The following FOXP1 variants were observed in gnomAD, a reference collection of about 807,000 sequenced individuals.
The protein encoded by FOXP1 is forkhead box P1.
FOXP1 carries 15 observed loss-of-function variants against 98.2 expected under a neutral mutation model. The ratio of observed to expected loss-of-function variants is 0.15; its 90% CI spans 0.10 to 0.24. FOXP1 has a LOEUF of 0.24. FOXP1 is among the 10% of genes least tolerant of loss of function. FOXP1 has a pLI of 1.00. For missense variants in FOXP1, 633 were observed against 848.5 expected, an observed-to-expected ratio of 0.75 and a Z score of 3.15; for synonymous variants, 371 against 314.5, an observed-to-expected ratio of 1.18 and a Z score of -1.90.
At chr3:70,972,024 C>T (rs1010207743) in intron 18 of FOXP1, 2 of 1,440,622 alleles carry the variant, frequency 1.4e-6, no homozygotes, top group South Asian at 1.5e-5. Flanking sequence ...GCGACAAGCT[C>T]GTCAAAGTTT....
At chr3:71,103,347 T>A (rs2057136172) in intron 7 of FOXP1, among the ~76,000 whole-genome samples, 1 of 152,230 alleles carries the variant, frequency 6.6e-6, no homozygotes, top group South Asian at 2.1e-4. Context: ...TTGATAAACA[T>A]CTCTGACCCA....
intron 2 of FOXP1, among the ~76,000 whole-genome samples, chr3:71,550,876 C>G (rs891005315): frequency 2.0e-5 from 3 of 152,192 alleles, no homozygotes; most frequent in Non-Finnish European, 4.4e-5. Context: ...TTCCGAGAGG[C>G]CCCCTTCAAA....
intron 6 of FOXP1, among the ~76,000 whole-genome samples, chr3:71,197,341 C>T (rs971328903): frequency 6.6e-5 from 10 of 151,936 alleles, no homozygotes; most frequent in East Asian, 5.8e-4. Flanking sequence ...TTCCTGATTC[C>T]GAGGAATCAG....
At chr3:71,569,822 G>C (rs1310217055) in intron 2 of FOXP1, among the ~76,000 whole-genome samples, 1 of 147,718 alleles carries the variant, frequency 6.8e-6, no homozygotes, top group East Asian at 2.0e-4. Context: ...TCGCTCTGTC[G>C]CCCAGGCTGG....
chr3:70,974,490 G>C (rs1345501767), intron 17 of FOXP1, among the ~76,000 whole-genome samples: 3 of 151,970 alleles, frequency 2.0e-5, no homozygotes, highest in Non-Finnish European at 4.4e-5. Context: ...GTAGAGATGG[G>C]GTCTTGCTAT....
At position 70,976,931 on chromosome 3, in the gene FOXP1, G is replaced by A. The variant is rs1280722194; in HGVS notation, c.1530+10C>T. 1 of 1,603,054 alleles carries A rather than the reference G, an allele frequency of 6.2e-7. No individual in the cohort carries two copies. Among genetic ancestry groups the A allele is most frequent in the East Asian group, 2.2e-5 (1 of 44,836 alleles). ...AAGATCCAAGAATAAACAGGCCTGA[G>A]AAAGCTTACCTTCCACGTGGCCGCG... On this transcript the variant is annotated intron_variant, in intron 17 of 20. Coordinates refer to ENST00000649528, the MANE Select transcript of FOXP1 (RefSeq NM_001349338.3).
At chr3:71,205,664 G>A (rs1246083117) in intron 5 of FOXP1, among the ~76,000 whole-genome samples, 5 of 152,176 alleles carry the variant, frequency 3.3e-5, no homozygotes, top group Non-Finnish European at 7.4e-5. Flanking sequence ...CAAACCAGCT[G>A]TAGGGGCACC....
chr3:71,525,498 A>T (rs2043307960), intron 2 of FOXP1, among the ~76,000 whole-genome samples: 1 of 152,194 alleles, frequency 6.6e-6, no homozygotes, highest in Admixed American at 6.5e-5. Flanking sequence ...GGCCCTAGGA[A>T]GTCAAATTGT....
At chr3:71,118,412 A>G (rs1360627976) in intron 6 of FOXP1, among the ~76,000 whole-genome samples, 3 of 152,256 alleles carry the variant, frequency 2.0e-5, no homozygotes, top group African/African-American at 2.4e-5. Context: ...TTATCAAGGT[A>G]GCCGATGTTC....
intron 19 of FOXP1, chr3:70,969,293 TTACTCTTCTAAA>T (rs879652788): frequency 1.4e-4 from 22 of 152,182 alleles, no homozygotes; most frequent in Non-Finnish European, 2.9e-4. Context: ...ATGCTTTCAT[TTACTCTTCTAAA>T]GTTACTGTGT....
chr3:71,581,661 C>A lies in FOXP1; in HGVS notation c.-410G>T, dbSNP rs534318131. 5.1e-6 allele frequency: 5 copies of A among 985,794 alleles called. No individual in the cohort carries two copies. Among genetic ancestry groups the A allele is most frequent in the South Asian group, 9.3e-5 (2 of 21,568 alleles). The allele number at this position is 985,794 out of a possible 1,614,324, so 61.1% of individuals were successfully genotyped here. On this transcript the variant is annotated 5_prime_UTR_variant, in exon 2 of 21. Coordinates refer to ENST00000649528, the MANE Select transcript of FOXP1 (RefSeq NM_001349338.3). ...GCTGCCCCCGGCCCGCTCGCTCGCTCGCCGCGCGCTCTCTTCCTCTTACAA... is the reference window on the plus strand; with the variant it reads ...GCTGCCCCCGGCCCGCTCGCTCGCTAGCCGCGCGCTCTCTTCCTCTTACAA...
Position 71,201,038 on chromosome 3 carries a change from C to A in FOXP1, c.-11-2646G>T, listed in dbSNP as rs138011544. Among the ~76,000 whole-genome samples, 258 of 152,258 alleles carry A rather than the reference C, an allele frequency of 1.7e-3. 3 individuals are homozygous for A. Among genetic ancestry groups the A allele is most frequent in the East Asian group, 0.016 (85 of 5,170 alleles). On this transcript the variant is annotated intron_variant, in intron 5 of 20. Transcript: ENST00000649528. ...TTTTCACTAGCAGGTGGGAAACAAA[C>A]TCAGAAGTAACAGCTGATTCACTCT...
rs2107299303 is a variant in FOXP1, at chr3:70,977,050, G to A, written c.1429-8C>T. 2 of 1,576,880 alleles carry A rather than the reference G, an allele frequency of 1.3e-6. No individual in the cohort carries two copies. Among genetic ancestry groups the A allele is most frequent in the Non-Finnish European group, 1.7e-6 (2 of 1,146,218 alleles). The stretch of plus-strand genomic sequence containing the variant: ...TGGAGATTCGAGAATGGCCTGTGAA[G>A]CAGAATGTAACAGAAGATAATTTAT... On this transcript the variant is annotated splice_region_variant and splice_polypyrimidine_tract_variant and intron_variant, in intron 16 of 20. Transcript: ENST00000649528.
At chr3:71,067,546 G>T (rs2321334) in intron 7 of FOXP1, among the ~76,000 whole-genome samples, 22,411 of 152,010 alleles carry the variant, frequency 0.15, 2,264 homozygotes, top group East Asian at 0.49. Flanking sequence ...ACAAATTCCA[G>T]CCCTCATTGT....
At chr3:71,300,881 C>T (rs1178512919) in intron 4 of FOXP1, among the ~76,000 whole-genome samples, 1 of 152,160 alleles carries the variant, frequency 6.6e-6, no homozygotes, top group East Asian at 1.9e-4. Flanking sequence ...CTGCTCATCC[C>T]TCTGCTGTCA....
chr3:70,987,973 T>C, intron 14 of FOXP1, 21 bp downstream of exon 14: 1 of 1,610,144 alleles, frequency 6.2e-7, no homozygotes, highest in Non-Finnish European at 8.5e-7. Context: ...TTTTTTCCCC[T>C]TGGTGGGGAT....
chr3:71,544,227 G>A (rs975511994), intron 2 of FOXP1, among the ~76,000 whole-genome samples: 2 of 151,602 alleles, frequency 1.3e-5, no homozygotes, highest in Admixed American at 6.6e-5. Flanking sequence ...ATAAAGGTTA[G>A]AAATATTTTA....
intron 6 of FOXP1, among the ~76,000 whole-genome samples, chr3:71,164,344 C>T (rs1181689042): frequency 6.6e-6 from 1 of 152,068 alleles, no homozygotes; most frequent in Non-Finnish European, 1.5e-5. Context: ...GGACTACAGG[C>T]GCCCGCCACC....
chr3:70,976,907 A>C (rs746413880), intron 17 of FOXP1, 34 bp downstream of exon 17: 1 of 1,464,624 alleles, frequency 6.8e-7, no homozygotes, highest in Non-Finnish European at 9.6e-7. Context: ...ATGAACGTCA[A>C]GATCCAAGAA....
Sources: gnomAD v4.1 joint callset for allele counts (sites outside exome capture counted in the v4.1 genomes callset) on GRCh38, gnomAD v4.1.1 for gene constraint, MANE v1.5 for transcripts, NCBI Gene and HGNC (gene_info 2026-07-23, HGNC 2026-07-21) for gene names.